The following PARVA variants were observed in gnomAD, a reference collection of about 807,000 sequenced individuals.
PARVA encodes parvin alpha, also known as alpha-parvin.
A neutral mutation model predicts 52.6 loss-of-function variants in PARVA; 25 were observed. The ratio of observed to expected loss-of-function variants is 0.48; its 90% CI spans 0.35 to 0.66. The LOEUF is 0.66. Among genes scored for constraint, PARVA ranks in the 30% least tolerant of loss-of-function variants. PARVA has a pLI of 0.01. For synonymous variants in PARVA, 185 were observed against 179.1 expected, an observed-to-expected ratio of 1.03 and a Z score of -0.26; for missense variants, 373 against 450.9, an observed-to-expected ratio of 0.83 and a Z score of 1.56.
intron 3 of PARVA, among the ~76,000 whole-genome samples, chr11:12,475,188 TCCCAGCGCTC>T: frequency 6.6e-6 from 1 of 152,258 alleles, no homozygotes; most frequent in East Asian, 1.9e-4. Flanking sequence ...CGATGCGTGC[TCCCAGCGCTC>T]CCCACCGCCA....
At chr11:12,501,176 A>C (rs1564863941) in intron 5 of PARVA, among the ~76,000 whole-genome samples, 1 of 151,012 alleles carries the variant, frequency 6.6e-6, no homozygotes. Flanking sequence ...TCCTTTCCAA[A>C]TGTTGGCCAC....
chr11:12,446,587 T>C (rs987642428), intron 1 of PARVA, among the ~76,000 whole-genome samples: 1 of 152,208 alleles, frequency 6.6e-6, no homozygotes, highest in Non-Finnish European at 1.5e-5. Context: ...GACTTAAATA[T>C]ATTAAAACAG....
At chr11:12,383,971 C>T (rs889531669) in intron 1 of PARVA, among the ~76,000 whole-genome samples, 3 of 152,036 alleles carry the variant, frequency 2.0e-5, no homozygotes, top group African/African-American at 7.2e-5. Flanking sequence ...AAATTGAGAC[C>T]AGCTATGAGC....
intron 1 of PARVA, among the ~76,000 whole-genome samples, chr11:12,440,042 C>G (rs890745073): frequency 6.6e-6 from 1 of 152,214 alleles, no homozygotes; most frequent in Admixed American, 6.5e-5. Context: ...CATTGTTTCT[C>G]TCCTTCACTA....
At chr11:12,524,373 G>T (rs1021896974) in intron 12 of PARVA, among the ~76,000 whole-genome samples, 1 of 152,170 alleles carries the variant, frequency 6.6e-6, no homozygotes, top group Non-Finnish European at 1.5e-5. Flanking sequence ...ACATAAAAAT[G>T]TCACTTAGTA....
chr11:12,525,283 A>G (rs574955895), intron 12 of PARVA, among the ~76,000 whole-genome samples: 1 of 152,334 alleles, frequency 6.6e-6, no homozygotes, highest in Admixed American at 6.5e-5. Context: ...TTTACCTTGC[A>G]GTCCATGACA....
rs369238595 is a variant in PARVA at position 12,435,112 on chromosome 11, T to C, written c.137-38633T>C. Among the ~76,000 whole-genome samples the C allele has an allele frequency of 9.8e-5, 15 of 152,348 alleles. No homozygotes were observed. In the East Asian group the frequency reaches 1.4e-3, roughly 14 times the overall value. ...TGAAACTGTTCTGGCAAAGTTTACC[T>C]GGGACTTCCCAATTTCCAGACTTTC... On this transcript the variant is annotated intron_variant, in intron 1 of 12. Coordinates refer to ENST00000334956, the MANE Select transcript of PARVA (RefSeq NM_018222.5).
intron 12 of PARVA, among the ~76,000 whole-genome samples, chr11:12,526,085 A>G (rs1416539500): frequency 6.6e-6 from 1 of 152,090 alleles, no homozygotes; most frequent in African/African-American, 2.4e-5. Flanking sequence ...GAGCGGGCAC[A>G]GGGATAAAGG....
At chr11:12,484,504 GGT>G (rs35501237) in intron 4 of PARVA, among the ~76,000 whole-genome samples, 6,288 of 144,584 alleles carry the variant, frequency 0.043, 221 homozygotes, top group African/African-American at 0.099. Flanking sequence ...GTTTTGTTTT[GGT>G]GTGTGTGTGT....
intron 1 of PARVA, among the ~76,000 whole-genome samples, chr11:12,395,540 C>T (rs1043091261): frequency 6.6e-6 from 1 of 152,206 alleles, no homozygotes; most frequent in African/African-American, 2.4e-5. Flanking sequence ...CTGGGCTCTG[C>T]CCTGGCCAGA....
At chr11:12,461,012 G>A (rs756419629) in intron 1 of PARVA, among the ~76,000 whole-genome samples, 78 of 152,094 alleles carry the variant, frequency 5.1e-4, no homozygotes, top group Non-Finnish European at 8.8e-4. Flanking sequence ...TGCAGTTTGC[G>A]GGATGCAGCG....
At chr11:12,389,721 C>A (rs961594376) in intron 1 of PARVA, among the ~76,000 whole-genome samples, 1 of 152,112 alleles carries the variant, frequency 6.6e-6, no homozygotes, top group Non-Finnish European at 1.5e-5. Context: ...TGGGCTGATG[C>A]CTCAGGGGCT....
chr11:12,504,199 C>A, intron 5 of PARVA, 115 bp from the exon 6 acceptor site: 1 of 650,522 alleles, frequency 1.5e-6, no homozygotes, highest in Admixed American at 2.5e-5. Context: ...GAGATTTGGG[C>A]AGGGACAAAT....
At chr11:12,453,738 TGTA>T in intron 1 of PARVA, among the ~76,000 whole-genome samples, 1 of 152,238 alleles carries the variant, frequency 6.6e-6, no homozygotes, top group Admixed American at 6.5e-5. Flanking sequence ...AATGCCTCCC[TGTA>T]GATTTTGACA....
intron 1 of PARVA, among the ~76,000 whole-genome samples, chr11:12,464,162 C>G (rs1940822826): frequency 6.6e-6 from 1 of 152,132 alleles, no homozygotes; most frequent in Admixed American, 6.5e-5. Context: ...ACTGATGCAT[C>G]TAGGCCCTCT....
intron 4 of PARVA, among the ~76,000 whole-genome samples, chr11:12,488,665 T>G (rs1941193296): frequency 1.3e-5 from 2 of 152,174 alleles, no homozygotes; most frequent in South Asian, 4.1e-4. Context: ...ATCTTAGCCT[T>G]GGATGTGAAC....
At position 12,377,580 on chromosome 11, in the gene PARVA, GC is replaced by G. The variant is rs1479467827; in HGVS notation, c.-66del. On this transcript the variant is annotated 5_prime_UTR_variant, in exon 1 of 13. Coordinates refer to ENST00000334956, the MANE Select transcript of PARVA (RefSeq NM_018222.5). The stretch of plus-strand genomic sequence containing the variant: ...GGAAAGCCGCAGCCTCAGTCCCGCC[GC>G]CGCCCGCTGCGTCCGCCCAGCGCCA... The G allele has an allele frequency of 2.7e-6, 4 of 1,498,116 alleles. No homozygotes were observed. In the African/African-American group the frequency reaches 5.9e-5, roughly 22 times the overall value. 92.8% of individuals were successfully genotyped at this position (1,498,116 alleles called of 1,614,324 possible). A position where few individuals can be genotyped will look rare whatever the true frequency, so the allele number is the denominator to read the frequency against.
rs190486291 is a variant in PARVA, at chr11:12,533,019, G to A, written c.*5094G>A. On this transcript the variant is annotated 3_prime_UTR_variant, in exon 13 of 13. Transcript: ENST00000334956. The stretch of plus-strand genomic sequence containing the variant: ...CATACCATGGTCCTGGCTGGGGAGC[G>A]GAGGAGACCAGGAGAGGAGATCAGA... 7.2e-5 allele frequency among the ~76,000 whole-genome samples: 11 copies of A among 152,272 alleles called. No individual in the cohort carries two copies. The highest frequency in any genetic ancestry group is 1.7e-4 in the African/African-American group (7 of 41,546).
chr11:12,527,799 G>A, intron 12 of PARVA, 50 bp from the exon 13 acceptor site: 1 of 1,413,642 alleles, frequency 7.1e-7, no homozygotes, highest in African/African-American at 1.4e-5. Flanking sequence ...TGCCAGCTTT[G>A]GAACATGTGG....
Sources: gnomAD v4.1 joint callset for allele counts (sites outside exome capture counted in the v4.1 genomes callset) on GRCh38, gnomAD v4.1.1 for gene constraint, MANE v1.5 for transcripts, NCBI Gene and HGNC (gene_info 2026-07-23, HGNC 2026-07-21) for gene names.